Variants in LLGL1 observed in about 807,000 individuals in gnomAD.
The protein encoded by LLGL1 is LLGL scribble cell polarity complex component 1.
A neutral mutation model predicts 110.6 loss-of-function variants in LLGL1; 58 were observed. The observed-to-expected ratio is 0.52, with a 90% CI of 0.42 to 0.65. LLGL1 has a LOEUF of 0.65. LLGL1 is among the 30% of genes least tolerant of loss of function. The pLI, the probability that LLGL1 is intolerant of heterozygous loss-of-function variation, is 0.00. For synonymous variants in LLGL1, 674 were observed against 607.2 expected, an observed-to-expected ratio of 1.11 and a Z score of -1.62; for missense variants, 1,229 against 1,462.1, an observed-to-expected ratio of 0.84 and a Z score of 2.60.
chr17:18,232,447 G>C, intron 2 of LLGL1, 48 bp from the exon 3 acceptor site: 1 of 1,535,628 alleles, frequency 6.5e-7, no homozygotes, highest in Non-Finnish European at 8.9e-7. Context: ...CTTCCTCACT[G>C]TGGTTTGCTG....
chr17:18,242,714 C>G lies in LLGL1; in HGVS notation c.3117-29C>G, dbSNP rs757615746. Reference sequence around the variant, plus strand: ...GGGCTGCCAGGGGCTCCCCCGCCCCCACCCCTGAGCACCATCCCCATCTCG... The same window carrying G: ...GGGCTGCCAGGGGCTCCCCCGCCCCGACCCCTGAGCACCATCCCCATCTCG... On this transcript the variant is annotated intron_variant, in intron 21 of 22. Coordinates refer to ENST00000316843, the MANE Select transcript of LLGL1 (RefSeq NM_004140.4). 3.2e-6 allele frequency: 5 copies of G among 1,560,478 alleles called. No homozygotes were observed. The African/African-American group carries it at 5.4e-5, about 17-fold the overall frequency.
In LLGL1 at chr17:18,235,661, C is replaced by G. The variant is rs2142631368; in HGVS notation, c.1352+124C>G. 4.5e-6 allele frequency: 4 copies of G among 885,948 alleles called. No individual in the cohort carries two copies. The East Asian group carries it at 1.0e-4, about 22-fold the overall frequency. 54.9% of individuals were successfully genotyped at this position (885,948 alleles called of 1,614,324 possible). On this transcript the variant is annotated intron_variant, in intron 11 of 22. Coordinates refer to ENST00000316843, the MANE Select transcript of LLGL1 (RefSeq NM_004140.4). ...TGGCCCCTGGTGGGACCAGGTAGTT[C>G]CTCCTTGCCCAAGGTGGTTTGGAAT...
At chr17:18,231,489 C>T (rs1406629110) in intron 2 of LLGL1, among the ~76,000 whole-genome samples, 1 of 152,218 alleles carries the variant, frequency 6.6e-6, no homozygotes, top group South Asian at 2.1e-4. Context: ...TGCTGTCCAC[C>T]ATCAGCCCTG....
chr17:18,227,417 TCTCA>T (rs977684799), intron 1 of LLGL1, among the ~76,000 whole-genome samples: 3 of 146,506 alleles, frequency 2.0e-5, no homozygotes, highest in Non-Finnish European at 3.0e-5. Flanking sequence ...TGAAATGGGG[TCTCA>T]CTCTCACCCA....
At chr17:18,239,754 A>C (rs1185878225) in intron 16 of LLGL1, among the ~76,000 whole-genome samples, 1 of 142,780 alleles carries the variant, frequency 7.0e-6, no homozygotes, top group Non-Finnish European at 1.5e-5. Context: ...GGGTTCTTTG[A>C]CTTTTTGTTT....
At chr17:18,243,659 CACAGG>C (rs2047907730) in intron 22 of LLGL1, among the ~76,000 whole-genome samples, 1 of 152,236 alleles carries the variant, frequency 6.6e-6, no homozygotes, top group Admixed American at 6.5e-5. Flanking sequence ...CCTCACCCTG[CACAGG>C]ACATGGACAC....
At chr17:18,243,587 C>T (rs1361842146) in intron 22 of LLGL1, among the ~76,000 whole-genome samples, 1 of 152,202 alleles carries the variant, frequency 6.6e-6, no homozygotes, top group African/African-American at 2.4e-5. Flanking sequence ...GATGTGGGGC[C>T]CATAGATCTG....
rs762723732 is a variant in LLGL1, at chr17:18,234,255, G to T, written c.715-18G>T. On this transcript the variant is annotated intron_variant, in intron 6 of 22. Coordinates refer to ENST00000316843, the MANE Select transcript of LLGL1 (RefSeq NM_004140.4). ...ATGGCTCATGCCTGCCTGCCTGCCT[G>T]CCCCTGCCTGCCCGCAGCAGCTGGA... 1 of 1,594,620 alleles carries T rather than the reference G, an allele frequency of 6.3e-7. No individual in the cohort carries two copies. Among genetic ancestry groups the T allele is most frequent in the East Asian group, 2.3e-5 (1 of 43,848 alleles).
Position 18,234,381 on chromosome 17 carries a change from CAGCCCACGGT to C in LLGL1, c.828_837del (p.Thr277ProfsTer44). Reference sequence around the variant, plus strand: ...GGATGCCGGCAGCTTCCCAACGCTGCAGCCCACGGTAGCCACCACACCTTACGGTGAGTGC... The same window carrying C: ...GGATGCCGGCAGCTTCCCAACGCTGCAGCCACCACACCTTACGGTGAGTGC... On this transcript the variant is annotated frameshift_variant, in exon 7 of 23. Coordinates refer to ENST00000316843, the MANE Select transcript of LLGL1 (RefSeq NM_004140.4). LOFTEE classifies it high-confidence loss of function. 6.2e-7 allele frequency: 1 copy of C among 1,612,120 alleles called. No individual in the cohort carries two copies. The highest frequency in any genetic ancestry group is 8.5e-7 in the Non-Finnish European group (1 of 1,179,780).
intron 11 of LLGL1, 97 bp from the exon 12 acceptor site, chr17:18,236,510 C>T (rs2047697140): frequency 2.5e-6 from 3 of 1,222,524 alleles, no homozygotes; most frequent in African/African-American, 3.0e-5. Flanking sequence ...TTGGCACGTG[C>T]AGTAGGTGCT....
chr17:18,230,156 G>C, intron 2 of LLGL1, 118 bp downstream of exon 2: 2 of 725,690 alleles, frequency 2.8e-6, no homozygotes, highest in South Asian at 3.7e-5. Context: ...GAGGTGCTCT[G>C]ATGGGCAGTA....
At chr17:18,238,648 G>C (rs770902294) in intron 16 of LLGL1, 39 bp downstream of exon 16, 51 of 1,579,370 alleles carry the variant, frequency 3.2e-5, no homozygotes, top group Middle Eastern at 2.0e-4. Flanking sequence ...GCAAGGGTTG[G>C]GGGGGCTGGC....
Position 18,242,748 on chromosome 17 carries a change from CTGAG to C in LLGL1, c.3123_3126del (p.Glu1042SerfsTer6). On this transcript the variant is annotated frameshift_variant, in exon 22 of 23. Transcript: ENST00000316843. LOFTEE classifies it high-confidence loss of function. ...GCACCATCCCCATCTCGCAGCTCCT[CTGAG>C]GAGTCAGAGAAGAACCTGAGGAACC... The C allele has an allele frequency of 1.3e-6, 2 of 1,568,286 alleles. No individual in the cohort carries two copies. The highest frequency in any genetic ancestry group is 1.7e-6 in the Non-Finnish European group (2 of 1,155,826).
intron 13 of LLGL1, 128 bp downstream of exon 13, chr17:18,237,067 G>A: frequency 1.2e-6 from 1 of 814,442 alleles, no homozygotes. Context: ...AGGGCTCTGG[G>A]TGGGGCTGGC....
chr17:18,235,625 A>G (rs988144665), intron 11 of LLGL1, 88 bp downstream of exon 11: 2 of 1,346,692 alleles, frequency 1.5e-6, no homozygotes, highest in Non-Finnish European at 1.0e-6. Context: ...AGGTGCCAGG[A>G]GACTCAGGCC....
At chr17:18,230,868 G>A (rs898954639) in intron 2 of LLGL1, among the ~76,000 whole-genome samples, 2 of 152,212 alleles carry the variant, frequency 1.3e-5, no homozygotes, top group African/African-American at 4.8e-5. Flanking sequence ...GGGACTCTGA[G>A]CCTGTGGTTT....
chr17:18,236,347 G>A (rs1567691172), intron 11 of LLGL1: 1 of 487,810 alleles, frequency 2.0e-6, no homozygotes, highest in Admixed American at 3.6e-5. Context: ...GCCACCTCCT[G>A]TTAATCAGGG....
intron 2 of LLGL1, among the ~76,000 whole-genome samples, chr17:18,231,321 G>C (rs1392120334): frequency 6.6e-6 from 1 of 152,204 alleles, no homozygotes; most frequent in Non-Finnish European, 1.5e-5. Context: ...TTCCCGCCCA[G>C]CTGCTCCTGT....
At position 18,242,223 on chromosome 17, in the gene LLGL1, G is replaced by A; in HGVS notation, c.2940G>A (p.Leu980=). The change falls in exon 20 of 23, where the codon CTG becomes CTA. Residue 980 remains leucine (L), a synonymous_variant. Transcript: ENST00000316843. ...AGGCTAACGGGACCCCAAGCATCCT[G>A]CTGGCCCCACAGAGCCTTGATGGAA... ...LSQANGTPSI[L]LAPQSLDGSP... 1.2e-6 allele frequency: 2 copies of A among 1,614,110 alleles called. No homozygotes were observed. Among genetic ancestry groups the A allele is most frequent in the Non-Finnish European group, 1.7e-6 (2 of 1,180,012 alleles).
Sources: gnomAD v4.1 joint callset for allele counts (sites outside exome capture counted in the v4.1 genomes callset) on GRCh38, gnomAD v4.1.1 for gene constraint, MANE v1.5 for transcripts, NCBI Gene and HGNC (gene_info 2026-07-23, HGNC 2026-07-21) for gene names.